The following PHF21B variants were observed in gnomAD, a reference collection of about 807,000 sequenced individuals.
PHF21B encodes PHD finger protein 4.
In PHF21B, 22 loss-of-function variants were observed where a neutral mutation model predicts 62.2. That is an observed-to-expected ratio of 0.35 (90% CI 0.25 to 0.51). The LOEUF (loss-of-function observed/expected upper bound fraction) is 0.51. Among genes scored for constraint, PHF21B ranks in the 20% least tolerant of loss-of-function variants. The pLI is 0.97. For missense variants in PHF21B, 701 were observed against 707.9 expected, an observed-to-expected ratio of 0.99 and a Z score of 0.11; for synonymous variants, 341 against 314.7, an observed-to-expected ratio of 1.08 and a Z score of -0.88.
chr22:44,936,537 G>A (rs181400736), intron 2 of PHF21B, among the ~76,000 whole-genome samples: 1,526 of 152,284 alleles, frequency 0.01, 18 homozygotes, highest in Middle Eastern at 0.065. Context: ...ATCCGTTACT[G>A]GTGAGCCCTT....
At chr22:45,008,709 C>T (rs2073372163) in intron 1 of PHF21B, 99 bp from the exon 2 acceptor site, 1 of 1,059,466 alleles carries the variant, frequency 9.4e-7, no homozygotes, top group Non-Finnish European at 1.2e-6. Flanking sequence ...GCCCCACGGG[C>T]GGGGCCGGCC....
intron 3 of PHF21B, among the ~76,000 whole-genome samples, chr22:44,919,792 A>G (rs5766188): frequency 0.53 from 79,967 of 152,164 alleles, 21,916 homozygotes; most frequent in African/African-American, 0.69. Context: ...CAATACTCAC[A>G]GCCACCATTG....
chr22:44,977,551 C>A (rs945489177), intron 2 of PHF21B, among the ~76,000 whole-genome samples: 5 of 149,922 alleles, frequency 3.3e-5, no homozygotes, highest in Admixed American at 6.6e-5. Context: ...GGTGACAGAG[C>A]GAGACTGTGT....
At chr22:44,967,972 G>T (rs1304097266) in intron 2 of PHF21B, among the ~76,000 whole-genome samples, 3 of 152,172 alleles carry the variant, frequency 2.0e-5, no homozygotes, top group Non-Finnish European at 2.9e-5. Flanking sequence ...AGACTGTAAA[G>T]GTGTCTGGTA....
intron 2 of PHF21B, among the ~76,000 whole-genome samples, chr22:44,990,022 G>A (rs1022720881): frequency 1.3e-5 from 2 of 152,160 alleles, no homozygotes; most frequent in Non-Finnish European, 2.9e-5. Context: ...AGGGGCCAAC[G>A]GGCTCCGTGA....
intron 2 of PHF21B, among the ~76,000 whole-genome samples, chr22:44,963,341 C>T (rs778895495): frequency 6.6e-6 from 1 of 152,258 alleles, no homozygotes; most frequent in Non-Finnish European, 1.5e-5. Context: ...GAGGATGACC[C>T]ACCATGCTGA....
intron 2 of PHF21B, among the ~76,000 whole-genome samples, chr22:45,006,869 T>A (rs573328950): frequency 3.4e-5 from 5 of 148,162 alleles, no homozygotes; most frequent in South Asian, 4.4e-4. Context: ...TTTTTTTTTT[T>A]AAAGAAAGTA....
chr22:44,906,384 T>G (rs879940134), intron 5 of PHF21B, among the ~76,000 whole-genome samples: 1 of 152,170 alleles, frequency 6.6e-6, no homozygotes, highest in Non-Finnish European at 1.5e-5. Context: ...CAGGGTCCAC[T>G]GCAGTAGCCC....
At chr22:45,007,598 G>A (rs1269565327) in intron 2 of PHF21B, among the ~76,000 whole-genome samples, 3 of 145,240 alleles carry the variant, frequency 2.1e-5, no homozygotes, top group African/African-American at 7.6e-5. Context: ...GGGAGGGAGG[G>A]GCGCCGCCGC....
At chr22:44,916,685 G>A in intron 3 of PHF21B, 55 bp from the exon 4 acceptor site, 1 of 1,517,042 alleles carries the variant, frequency 6.6e-7, no homozygotes, top group South Asian at 1.1e-5. Context: ...GGAGTGCAGG[G>A]GAGGGGCCGC....
intron 2 of PHF21B, among the ~76,000 whole-genome samples, chr22:44,937,151 C>A (rs1206714200): frequency 6.6e-6 from 1 of 152,158 alleles, no homozygotes; most frequent in African/African-American, 2.4e-5. Context: ...CAGGCATGAA[C>A]CACCGCACCC....
At chr22:45,008,692 G>T in intron 1 of PHF21B, 82 bp from the exon 2 acceptor site, 1 of 1,209,854 alleles carries the variant, frequency 8.3e-7, no homozygotes, top group Non-Finnish European at 1.0e-6. Context: ...GGCACCCCCC[G>T]CCCGGAGCCC....
chr22:45,008,443 T>G, intron 2 of PHF21B, 102 bp downstream of exon 2: 1 of 1,130,158 alleles, frequency 8.8e-7, no homozygotes, highest in Admixed American at 2.8e-5. Flanking sequence ...CCTCTGGGAG[T>G]CTGAGCGTGC....
chr22:44,951,500 C>T (rs966999975), intron 2 of PHF21B, among the ~76,000 whole-genome samples: 5 of 152,172 alleles, frequency 3.3e-5, no homozygotes, highest in African/African-American at 4.8e-5. Flanking sequence ...GTCCATGGCC[C>T]GGGAGATGGG....
At chr22:44,899,684 G>A (rs1049405552) in intron 5 of PHF21B, among the ~76,000 whole-genome samples, 1 of 150,642 alleles carries the variant, frequency 6.6e-6, no homozygotes. Flanking sequence ...TCTGTCTTAA[G>A]GGGTTTTAAA....
chr22:44,916,534 C>T lies in PHF21B; in HGVS notation c.310G>A (p.Val104Ile), dbSNP rs1249132793. Residue 104 changes from valine (V) to isoleucine (I), a missense_variant, in exon 4 of 13, where the codon GTC (valine) becomes ATC (isoleucine). By Grantham distance (29) the Val-to-Ile change is conservative. Coordinates refer to ENST00000313237, the MANE Select transcript of PHF21B (RefSeq NM_138415.5). Reference protein sequence around the residue: ...QPPTFQKATVVSVKNPSPALP... With the variant: ...QPPTFQKATVISVKNPSPALP... ...GCTGGGCTGGGGTTCTTGACGCTGA[C>T]CACGGTGGCCTTCTGGAATGTTGGG... 5 of 1,609,520 alleles carry T rather than the reference C, an allele frequency of 3.1e-6. No individual in the cohort carries two copies. The highest frequency in any genetic ancestry group is 2.7e-5 in the African/African-American group (2 of 74,920).
intron 2 of PHF21B, among the ~76,000 whole-genome samples, chr22:44,923,641 T>C (rs1428259525): frequency 6.6e-6 from 1 of 152,132 alleles, no homozygotes; most frequent in Non-Finnish European, 1.5e-5. Flanking sequence ...CCATAATATA[T>C]GACAGAACTC....
chr22:44,988,601 T>C (rs1281219655), intron 2 of PHF21B, among the ~76,000 whole-genome samples: 1 of 152,222 alleles, frequency 6.6e-6, no homozygotes, highest in African/African-American at 2.4e-5. Flanking sequence ...TTGTGTCTGA[T>C]GCTTATTATC....
rs139816996 is a variant in PHF21B, at chr22:44,910,798, T to C, written c.831+3024A>G. Among the ~76,000 whole-genome samples the C allele has an allele frequency of 1.7e-4, 26 of 152,368 alleles. 1 individual carries two copies. The East Asian group carries it at 5.0e-3, about 29-fold the overall frequency. ...AAATTGGTACCAGTAGAGTGGGATG[T>C]TGCTGAAAAGATACCCCAAAATGTG... is the stretch of plus-strand genomic sequence containing the variant. On this transcript the variant is annotated intron_variant, in intron 5 of 12. Transcript: ENST00000313237.
Sources: allele counts gnomAD v4.1 joint callset (sites outside exome capture counted in the v4.1 genomes callset), GRCh38; gene constraint gnomAD v4.1.1; transcripts MANE v1.5; gene names NCBI Gene and HGNC (gene_info 2026-07-23, HGNC 2026-07-21).